Variants in MYO1E observed in about 807,000 individuals in gnomAD.
MYO1E encodes unconventional myosin-Ie.
A neutral mutation model predicts 151.1 loss-of-function variants in MYO1E; 68 were observed. The observed-to-expected ratio is 0.45, with a 90% CI of 0.37 to 0.55. The LOEUF (loss-of-function observed/expected upper bound fraction) is 0.55, where lower values mean the gene tolerates loss of function less well. MYO1E is among the 20% of genes least tolerant of loss of function. MYO1E has a pLI of 0.00. For synonymous variants in MYO1E, 601 were observed against 501.7 expected (o/e 1.20, Z -2.64); for missense variants, 1,363 against 1,389.3 (o/e 0.98, Z 0.30).
At chr15:59,233,903 T>A (rs575820387) in intron 5 of MYO1E, among the ~76,000 whole-genome samples, 4 of 138,712 alleles carry the variant, frequency 2.9e-5, no homozygotes, top group East Asian at 2.2e-4. Flanking sequence ...AAAAAAAAAA[T>A]CTCATTAATT....
At chr15:59,245,732 T>G (rs1345420970) in intron 4 of MYO1E, among the ~76,000 whole-genome samples, 1 of 152,220 alleles carries the variant, frequency 6.6e-6, no homozygotes, top group Non-Finnish European at 1.5e-5. Context: ...GAATTCACTT[T>G]TGATGGCAGC....
At chr15:59,307,114 C>A (rs1328901035) in intron 1 of MYO1E, among the ~76,000 whole-genome samples, 1 of 152,174 alleles carries the variant, frequency 6.6e-6, no homozygotes, top group Non-Finnish European at 1.5e-5. Flanking sequence ...AGGAGGCAGG[C>A]CTAACGAGAT....
chr15:59,247,690 A>C (rs1170806759), intron 4 of MYO1E, among the ~76,000 whole-genome samples: 2 of 152,206 alleles, frequency 1.3e-5, no homozygotes, highest in Non-Finnish European at 2.9e-5. Context: ...GGGGAGCTTG[A>C]AAAAAGGTAT....
At chr15:59,235,227 G>C (rs1285901836) in intron 5 of MYO1E, among the ~76,000 whole-genome samples, 1 of 152,024 alleles carries the variant, frequency 6.6e-6, no homozygotes, top group Non-Finnish European at 1.5e-5. Flanking sequence ...GAATTGGCAA[G>C]TGGTTCACAT....
At chr15:59,178,849 T>C (rs899761947) in intron 18 of MYO1E, among the ~76,000 whole-genome samples, 11 of 152,020 alleles carry the variant, frequency 7.2e-5, no homozygotes, top group Admixed American at 7.2e-4. Context: ...CCACCAGGGG[T>C]GGTCTTTAGG....
At chr15:59,285,517 C>T (rs866466204) in intron 1 of MYO1E, among the ~76,000 whole-genome samples, 1 of 152,004 alleles carries the variant, frequency 6.6e-6, no homozygotes, top group South Asian at 2.1e-4. Flanking sequence ...CCCACCGCCA[C>T]GCCCAGCTAA....
rs151225252 is a variant in MYO1E at position 59,227,217 on chromosome 15, TG to T, written c.642+241del. Among the ~76,000 whole-genome samples, 743 of 152,362 alleles carry T rather than the reference TG, an allele frequency of 4.9e-3. 28 individuals are homozygous for T. The highest frequency in any genetic ancestry group is 0.04 in the Admixed American group (617 of 15,312). On this transcript the variant is annotated intron_variant, in intron 7 of 27. Coordinates refer to ENST00000288235, the MANE Select transcript of MYO1E (RefSeq NM_004998.4). Reference sequence around the variant, plus strand: ...GACTCCAACACTCCTCGTTTTGTTTTGAAGTTACATCAATACTTTCTTGATG... The same window carrying T: ...GACTCCAACACTCCTCGTTTTGTTTTAAGTTACATCAATACTTTCTTGATG...
At chr15:59,359,135 A>G (rs1472270860) in intron 1 of MYO1E, among the ~76,000 whole-genome samples, 1 of 151,984 alleles carries the variant, frequency 6.6e-6, no homozygotes, top group Middle Eastern at 3.2e-3. Context: ...TGGTCACTGA[A>G]AGAAACAAGG....
chr15:59,320,161 A>C (rs536127651), intron 1 of MYO1E, among the ~76,000 whole-genome samples: 1 of 152,342 alleles, frequency 6.6e-6, no homozygotes, highest in East Asian at 1.9e-4. Flanking sequence ...CTGTTGAAAG[A>C]AATCACAGAT....
chr15:59,336,414 T>C (rs542861494), intron 1 of MYO1E, among the ~76,000 whole-genome samples: 9 of 151,942 alleles, frequency 5.9e-5, no homozygotes, highest in Non-Finnish European at 1.0e-4. Context: ...GGGACATACA[T>C]AAATAAGGTA....
intron 1 of MYO1E, 104 bp downstream of exon 1, chr15:59,372,390 CTTCT>C (rs1336563234): frequency 1.4e-6 from 2 of 1,384,008 alleles, no homozygotes; most frequent in Non-Finnish European, 2.0e-6. Context: ...CCGCGTCCAC[CTTCT>C]CCACCCCTGG....
chr15:59,249,624 G>A (rs1450956164), intron 4 of MYO1E, among the ~76,000 whole-genome samples: 2 of 151,970 alleles, frequency 1.3e-5, no homozygotes, highest in African/African-American at 4.8e-5. Context: ...ACTGGGAGGT[G>A]GAAGTCTAAA....
intron 1 of MYO1E, among the ~76,000 whole-genome samples, chr15:59,290,198 G>A (rs1332298065): frequency 6.6e-6 from 1 of 152,178 alleles, no homozygotes; most frequent in Non-Finnish European, 1.5e-5. Flanking sequence ...AAACCTGGCA[G>A]CTTCTATTAA....
chr15:59,162,807 C>G (rs1482500662), intron 23 of MYO1E, among the ~76,000 whole-genome samples: 1 of 152,108 alleles, frequency 6.6e-6, no homozygotes, highest in African/African-American at 2.4e-5. Flanking sequence ...TCACTTTTAT[C>G]TGCTTCCAGT....
chr15:59,138,215 A>G lies in MYO1E; in HGVS notation c.3233T>C (p.Ile1078Thr). 6.2e-7 allele frequency: 1 copy of G among 1,614,202 alleles called. No individual in the cohort carries two copies. The highest frequency in any genetic ancestry group is 8.5e-7 in the Non-Finnish European group (1 of 1,180,048). ...DELSFNANDIIDIIKEDPSGW... is the reference protein window; with the variant it reads ...DELSFNANDITDIIKEDPSGW... ...ACACTTACCTTCTTTGATAATATCA[A>G]TAATGTCATTGGCATTAAAGCTGAG... The change falls in exon 27 of 28, where the codon ATT becomes ACT. Residue 1078 changes from isoleucine (I) to threonine (T), a missense_variant. Physicochemically the swap from Ile to Thr is moderately conservative, Grantham distance 89. Coordinates refer to ENST00000288235, the MANE Select transcript of MYO1E (RefSeq NM_004998.4).
At chr15:59,251,253 G>A (rs1257079651) in intron 4 of MYO1E, among the ~76,000 whole-genome samples, 1 of 152,134 alleles carries the variant, frequency 6.6e-6, no homozygotes, top group Non-Finnish European at 1.5e-5. Flanking sequence ...CAAGTCATTA[G>A]ATATAACCTT....
chr15:59,218,221 G>T, intron 9 of MYO1E, 134 bp from the exon 10 acceptor site: 1 of 1,016,890 alleles, frequency 9.8e-7, no homozygotes, highest in African/African-American at 1.6e-5. Context: ...GGCCCCAAGA[G>T]CTTACGTTCT....
chr15:59,362,129 G>A (rs774821300), intron 1 of MYO1E, among the ~76,000 whole-genome samples: 47 of 152,052 alleles, frequency 3.1e-4, no homozygotes, highest in Non-Finnish European at 5.9e-4. Flanking sequence ...GAGCCACCAC[G>A]CCCAGCCTAT....
At chr15:59,195,818 A>G (rs1232705089) in intron 16 of MYO1E, among the ~76,000 whole-genome samples, 2 of 152,244 alleles carry the variant, frequency 1.3e-5, no homozygotes, top group African/African-American at 2.4e-5. Context: ...CAGTACAGTT[A>G]ATAAAATAGA....
Sources: allele counts gnomAD v4.1 joint callset (sites outside exome capture counted in the v4.1 genomes callset), GRCh38; gene constraint gnomAD v4.1.1; transcripts MANE v1.5; gene names NCBI Gene and HGNC (gene_info 2026-07-23, HGNC 2026-07-21).